MCPH1: variants seen among roughly 807,000 people sequenced by gnomAD.
MCPH1 encodes microcephalin 1.
MCPH1 carries 104 observed loss-of-function variants against 84.5 expected under a neutral mutation model. The ratio of observed to expected loss-of-function variants is 1.23; its 90% confidence interval spans 1.05 to 1.45. The LOEUF (loss-of-function observed/expected upper bound fraction) is 1.45, where lower values mean the gene tolerates loss of function less well. Among genes scored for constraint, MCPH1 ranks in the 40% most tolerant of loss-of-function variants. MCPH1 has a pLI of 0.00. For missense variants in MCPH1, 1,498 were observed against 1,005.7 expected (o/e 1.49, Z -6.62); for synonymous variants, 514 against 366.8 (o/e 1.40, Z -4.58).
rs138334051 is a variant in MCPH1 at position 6,516,514 on chromosome 8, C to T, written c.2214+16585C>T. On this transcript the variant is annotated intron_variant, in intron 12 of 13. Coordinates refer to ENST00000344683, the MANE Select transcript of MCPH1 (RefSeq NM_024596.5). ...CCTTTGGTAAATAGGCCAAAAGTCC[C>T]TCAACACAGTTCCAAGTTTAAATCA... Among the ~76,000 whole-genome samples the T allele has an allele frequency of 2.9e-3, 440 of 152,298 alleles. 5 individuals are homozygous for T. The highest frequency in any genetic ancestry group is 2.0e-3 in the Admixed American group (30 of 15,302).
chr8:6,612,673 G>T (rs1830389470), intron 12 of MCPH1, among the ~76,000 whole-genome samples: 1 of 152,204 alleles, frequency 6.6e-6, no homozygotes, highest in African/African-American at 2.4e-5. Flanking sequence ...CCCCTGCCTG[G>T]CCTGGTGTTC....
chr8:6,627,212 G>C, intron 13 of MCPH1: 4 of 985,332 alleles, frequency 4.1e-6, no homozygotes, highest in Non-Finnish European at 4.8e-6. Flanking sequence ...CGGGCTTCCT[G>C]ATTCAGTAGA....
chr8:6,489,450 A>T (rs557763849), intron 11 of MCPH1, among the ~76,000 whole-genome samples: 1 of 152,154 alleles, frequency 6.6e-6, no homozygotes, highest in Non-Finnish European at 1.5e-5. Context: ...TGGAAGGTGA[A>T]TAAGAGGAGA....
chr8:6,532,153 T>TA (rs544484896), intron 12 of MCPH1, among the ~76,000 whole-genome samples: 66 of 152,118 alleles, frequency 4.3e-4, no homozygotes, highest in African/African-American at 1.5e-3. Flanking sequence ...CAAAAACAGA[T>TA]TTACTGATTT....
intron 2 of MCPH1, 154 bp from the exon 3 acceptor site, chr8:6,414,611 C>T (rs1798999510): frequency 6.9e-6 from 2 of 288,490 alleles, no homozygotes; most frequent in Non-Finnish European, 5.2e-6. Context: ...GTAACTGGAA[C>T]AGATATGTTT....
At chr8:6,417,993 G>A (rs1357113832) in intron 3 of MCPH1, among the ~76,000 whole-genome samples, 2 of 152,216 alleles carry the variant, frequency 1.3e-5, no homozygotes, top group East Asian at 1.9e-4. Context: ...CTGTCATTAT[G>A]TGGGCAGTTG....
intron 12 of MCPH1, among the ~76,000 whole-genome samples, chr8:6,528,252 CA>C (rs1289448275): frequency 6.6e-6 from 1 of 152,134 alleles, no homozygotes; most frequent in Non-Finnish European, 1.5e-5. Flanking sequence ...GGGTCTGTGC[CA>C]AATACTAAAT....
chr8:6,556,477 G>A (rs1824628971), intron 12 of MCPH1, among the ~76,000 whole-genome samples: 1 of 146,812 alleles, frequency 6.8e-6, no homozygotes, highest in Admixed American at 6.9e-5. Flanking sequence ...TCACACGCCT[G>A]ACTCCCTTTG....
At chr8:6,599,253 G>A (rs1315507717) in intron 12 of MCPH1, among the ~76,000 whole-genome samples, 1 of 152,196 alleles carries the variant, frequency 6.6e-6, no homozygotes, top group African/African-American at 2.4e-5. Flanking sequence ...TTAAAGGAAT[G>A]TGAAGCTTGT....
At chr8:6,562,494 C>G (rs1373705390) in intron 12 of MCPH1, among the ~76,000 whole-genome samples, 3 of 143,444 alleles carry the variant, frequency 2.1e-5, no homozygotes, top group Non-Finnish European at 4.6e-5. Flanking sequence ...AAGAAATTAT[C>G]TTTCATTTGA....
At chr8:6,602,375 C>G (rs537644259) in intron 12 of MCPH1, among the ~76,000 whole-genome samples, 1 of 152,228 alleles carries the variant, frequency 6.6e-6, no homozygotes, top group Admixed American at 6.5e-5. Flanking sequence ...AAGAGTCCCA[C>G]TGGGAAGTGG....
rs115826407 is a variant in MCPH1, at chr8:6,549,813, A to T, written c.2214+49884A>T. On this transcript the variant is annotated intron_variant, in intron 12 of 13. Coordinates refer to ENST00000344683, the MANE Select transcript of MCPH1 (RefSeq NM_024596.5). Reference sequence around the variant, plus strand: ...GTGGTCATTGCACAGGTGCGCACAGATACAAAAATTTACCAAGTTGTACAC... The same window carrying T: ...GTGGTCATTGCACAGGTGCGCACAGTTACAAAAATTTACCAAGTTGTACAC... Among the ~76,000 whole-genome samples, 214 of 152,370 alleles carry T rather than the reference A, an allele frequency of 1.4e-3. 1 individual carries two copies. Among genetic ancestry groups the T allele is most frequent in the African/African-American group, 5.0e-3 (209 of 41,594 alleles).
chr8:6,420,719 C>T (rs138234975), intron 3 of MCPH1, among the ~76,000 whole-genome samples: 1 of 152,298 alleles, frequency 6.6e-6, no homozygotes, highest in African/African-American at 2.4e-5. Context: ...GTAGCAGCCT[C>T]ATGCCTGTCT....
Position 6,639,368 on chromosome 8 carries a change from T to C in MCPH1, c.2453-3626T>C, listed in dbSNP as rs1797776097. On this transcript the variant is annotated intron_variant, in intron 13 of 13. Coordinates refer to ENST00000344683, the MANE Select transcript of MCPH1 (RefSeq NM_024596.5). Reference sequence around the variant, plus strand: ...TCTTTTAAAAACATATTTATGAATGTAAACATATTATGGTCAGGTCCAGTG... The same window carrying C: ...TCTTTTAAAAACATATTTATGAATGCAAACATATTATGGTCAGGTCCAGTG... Among the ~76,000 whole-genome samples, 3 of 152,258 alleles carry C rather than the reference T, an allele frequency of 2.0e-5. No individual in the cohort carries two copies. The South Asian group carries it at 6.2e-4, about 31-fold the overall frequency.
At chr8:6,471,676 T>A (rs1392705109) in intron 9 of MCPH1, among the ~76,000 whole-genome samples, 1 of 152,228 alleles carries the variant, frequency 6.6e-6, no homozygotes, top group Non-Finnish European at 1.5e-5. Flanking sequence ...AGCAGTCTCA[T>A]GAATCCGTCT....
intron 1 of MCPH1, chr8:6,407,240 T>G (rs935646136): frequency 4.3e-5 from 7 of 163,504 alleles, no homozygotes; most frequent in African/African-American, 1.7e-4. Flanking sequence ...CTATGCTAAT[T>G]GTTCCAATAA....
At chr8:6,433,170 G>A (rs564840485) in intron 4 of MCPH1, among the ~76,000 whole-genome samples, 3 of 152,278 alleles carry the variant, frequency 2.0e-5, no homozygotes, top group South Asian at 2.1e-4. Context: ...CATTGTGACT[G>A]TTTTTCCGGT....
chr8:6,515,151 C>T (rs1816009420), intron 12 of MCPH1, among the ~76,000 whole-genome samples: 1 of 152,110 alleles, frequency 6.6e-6, no homozygotes, highest in Non-Finnish European at 1.5e-5. Flanking sequence ...CCCACATCTC[C>T]ATCCTGTAGA....
At chr8:6,521,299 G>C (rs1299096980) in intron 12 of MCPH1, 1 of 1,613,632 alleles carries the variant, frequency 6.2e-7, no homozygotes, top group African/African-American at 1.3e-5. Flanking sequence ...GTTCTTCAAT[G>C]ATGGAATTTT....
Sources: gnomAD v4.1 joint callset for allele counts (sites outside exome capture counted in the v4.1 genomes callset) on GRCh38, gnomAD v4.1.1 for gene constraint, MANE v1.5 for transcripts, NCBI Gene and HGNC (gene_info 2026-07-23, HGNC 2026-07-21) for gene names.